Variants in PAX2 observed in about 807,000 individuals in gnomAD.
The protein encoded by PAX2 is paired box protein Pax-2.
In PAX2, 9 loss-of-function variants were observed where a neutral mutation model predicts 41.7. The observed-to-expected ratio is 0.22, with a 90% confidence interval of 0.13 to 0.38. The LOEUF (loss-of-function observed/expected upper bound fraction) is 0.38. Among genes scored for constraint, PAX2 ranks in the 10% least tolerant of loss-of-function variants. The probability of loss-of-function intolerance (pLI) is 1.00; values close to 1 mark genes in which losing one functional copy is unlikely to be tolerated. For synonymous variants in PAX2, 221 were observed against 212.7 expected (o/e 1.04, Z -0.34); for missense variants, 418 against 531.6 (o/e 0.79, Z 2.10).
chr10:100,746,085 A>C lies in PAX2; in HGVS notation c.-176A>C. The C allele has an allele frequency of 6.7e-7, 1 of 1,501,990 alleles. No homozygotes were observed. Among genetic ancestry groups the C allele is most frequent in the East Asian group, 2.3e-5 (1 of 43,284 alleles). 93.0% of individuals were successfully genotyped at this position (1,501,990 alleles called of 1,614,324 possible). A position where few individuals can be genotyped will look rare whatever the true frequency, so the allele number is the denominator to read the frequency against. On this transcript the variant is annotated 5_prime_UTR_variant, in exon 1 of 10. Coordinates refer to ENST00000355243, the MANE Select transcript of PAX2 (RefSeq NM_000278.5). ...TTGCAAGCTCCGGCCAACCCGGAGG[A>C]GCCCCAGCGGGGAGCGCAGTGCTGC...
chr10:100,793,480 A>G (rs893502677), intron 5 of PAX2, among the ~76,000 whole-genome samples: 3 of 152,180 alleles, frequency 2.0e-5, no homozygotes, highest in African/African-American at 7.2e-5. Context: ...TGGATCGCAC[A>G]CATCTAGGCT....
At chr10:100,759,049 A>G (rs1293505552) in intron 3 of PAX2, among the ~76,000 whole-genome samples, 1 of 152,156 alleles carries the variant, frequency 6.6e-6, no homozygotes, top group Admixed American at 6.5e-5. Context: ...CTTGGGCTGG[A>G]CAGGGTTGTT....
rs900397945 is a variant in PAX2 at position 100,735,485 on chromosome 10, G to C, written c.-224G>C. ...GCGGGGCGGAGAACCCGGGCTCCTC[G>C]GGGTGCCGGAGCCTCTGCGCGGCCG... On this transcript the variant is annotated 5_prime_UTR_variant, in exon 1 of 10. Coordinates refer to the PAX2 transcript ENST00000679374. The C allele has an allele frequency of 9.4e-4, 227 of 241,600 alleles. 4 individuals are homozygous for C. The highest frequency in any genetic ancestry group is 1.1e-3 in the Admixed American group (19 of 17,652). The allele number at this position is 241,600 out of a possible 1,614,324, so 15.0% of individuals were successfully genotyped here.
rs61631542 is a variant in PAX2, at chr10:100,801,800, C to T, written c.617-4630C>T. Among the ~76,000 whole-genome samples, 966 of 152,352 alleles carry T rather than the reference C, an allele frequency of 6.3e-3. 14 individuals carry two copies. The highest frequency in any genetic ancestry group is 0.022 in the African/African-American group (927 of 41,574). ...GGGCCCACTGTGTTTGGCACCCAGG[C>T]TGCAGAGTGAAATGATTTAGAGGGC... On this transcript the variant is annotated intron_variant, in intron 5 of 9. Transcript: ENST00000355243.
At position 100,750,127 on chromosome 10, in the gene PAX2, C is replaced by T. The variant is rs1845379890; in HGVS notation, c.212+213C>T. 6.6e-6 allele frequency among the ~76,000 whole-genome samples: 1 copy of T among 152,220 alleles called. No individual in the cohort carries two copies. Among genetic ancestry groups the T allele is most frequent in the Admixed American group, 6.5e-5 (1 of 15,286 alleles). On this transcript the variant is annotated intron_variant, in intron 2 of 9. Transcript: ENST00000355243. The surrounding 1 kb of genome is among the most constrained non-coding windows in gnomAD (Gnocchi z 4.1). ...GTGGCGCAGTGTCACCCAGTGCTTG[C>T]CCTGCCCCTGGTCCCTGGTGAGAAG... is the stretch of plus-strand genomic sequence containing the variant.
At position 100,827,446 on chromosome 10, in the gene PAX2, C is replaced by T; in HGVS notation, c.1109-97C>T. On this transcript the variant is annotated intron_variant, in intron 9 of 9. Transcript: ENST00000355243. The surrounding 1 kb of genome is among the most constrained non-coding windows in gnomAD (Gnocchi z 8.5). ...TCTCCCAGTCCGGATCCCGCTGGACCCCAGCCAGGGGAGGTCTTTTCTGTG... is the reference window on the plus strand; with the variant it reads ...TCTCCCAGTCCGGATCCCGCTGGACTCCAGCCAGGGGAGGTCTTTTCTGTG... 2 of 1,275,760 alleles carry T rather than the reference C, an allele frequency of 1.6e-6. No individual in the cohort carries two copies. The highest frequency in any genetic ancestry group is 2.3e-6 in the Non-Finnish European group (2 of 874,748). 79.0% of individuals were successfully genotyped at this position (1,275,760 alleles called of 1,614,324 possible).
intron 6 of PAX2, among the ~76,000 whole-genome samples, chr10:100,807,564 G>A (rs947603628): frequency 1.3e-5 from 2 of 152,102 alleles, no homozygotes; most frequent in African/African-American, 2.4e-5. Context: ...CACAGCCCAC[G>A]GTACTCACAG....
At position 100,748,572 on chromosome 10, in the gene PAX2, T is replaced by A; in HGVS notation, c.44-1174T>A. ...CCGCTAGAAGTCTCTGCGCTTGGAT[T>A]GCTCAGTACCTGCGGCTACGGGTTG... On this transcript the variant is annotated intron_variant, in intron 1 of 9. Coordinates refer to ENST00000355243, the MANE Select transcript of PAX2 (RefSeq NM_000278.5). The surrounding 1 kb of genome is among the most constrained non-coding windows in gnomAD (Gnocchi z 5.0). The A allele has an allele frequency of 1.0e-6, 1 of 985,402 alleles. No homozygotes were observed. The highest frequency in any genetic ancestry group is 1.7e-5 in the African/African-American group (1 of 57,350). 61.0% of individuals were successfully genotyped at this position (985,402 alleles called of 1,614,324 possible).
intron 5 of PAX2, among the ~76,000 whole-genome samples, chr10:100,799,529 A>G (rs1414312685): frequency 6.6e-6 from 1 of 152,190 alleles, no homozygotes; most frequent in South Asian, 2.1e-4. Context: ...GAAGGCAAAC[A>G]TGGTAGAGTG....
chr10:100,799,179 C>T (rs1185001940), intron 5 of PAX2, among the ~76,000 whole-genome samples: 1 of 152,130 alleles, frequency 6.6e-6, no homozygotes, highest in African/African-American at 2.4e-5. Context: ...GCACAGCTGG[C>T]CCCTGAGCCC....
At position 100,827,178 on chromosome 10, in the gene PAX2, C is replaced by T; in HGVS notation, c.1108+83C>T. 8.7e-7 allele frequency: 1 copy of T among 1,151,552 alleles called. No individual in the cohort carries two copies. Among genetic ancestry groups the T allele is most frequent in the Non-Finnish European group, 1.3e-6 (1 of 769,762 alleles). The allele number at this position is 1,151,552 out of a possible 1,614,324, so 71.3% of individuals were successfully genotyped here. A position where few individuals can be genotyped will look rare whatever the true frequency, so the allele number is the denominator to read the frequency against. On this transcript the variant is annotated intron_variant, in intron 9 of 9. Coordinates refer to ENST00000355243, the MANE Select transcript of PAX2 (RefSeq NM_000278.5). The surrounding 1 kb of genome is among the most constrained non-coding windows in gnomAD (Gnocchi z 8.5). ...GGTCCCACTCCCGGCGACCCGACCT[C>T]TGGGGACCCGGCCGGGCCAGGGGGA...
chr10:100,820,579 C>T (rs1848346032), intron 7 of PAX2, among the ~76,000 whole-genome samples: 1 of 152,174 alleles, frequency 6.6e-6, no homozygotes, highest in Non-Finnish European at 1.5e-5. Context: ...ATTAGACGGG[C>T]ATGGTGGCAC....
chr10:100,758,276 G>A (rs1845709038), intron 3 of PAX2, among the ~76,000 whole-genome samples: 1 of 151,968 alleles, frequency 6.6e-6, no homozygotes. Flanking sequence ...GAGTAGCTGG[G>A]ACTATAGGCG....
rs1589910966 is a variant in PAX2 at position 100,827,269 on chromosome 10, C to G, written c.1108+174C>G. 2.0e-5 allele frequency among the ~76,000 whole-genome samples: 3 copies of G among 152,266 alleles called. No individual in the cohort carries two copies. Among genetic ancestry groups the G allele is most frequent in the African/African-American group, 7.2e-5 (3 of 41,564 alleles). The stretch of plus-strand genomic sequence containing the variant: ...AGGACGCCCGCACCTCCTGCCCTCC[C>G]GTGCCCTCCCTGGTCGCTCGAAGGC... On this transcript the variant is annotated intron_variant, in intron 9 of 9. Coordinates refer to ENST00000355243, the MANE Select transcript of PAX2 (RefSeq NM_000278.5). This position sits in a 1 kb window ranked among gnomAD's most constrained non-coding sequence, Gnocchi z 8.5.
At chr10:100,814,700 G>A (rs917365748) in intron 7 of PAX2, among the ~76,000 whole-genome samples, 1 of 152,280 alleles carries the variant, frequency 6.6e-6, no homozygotes, top group African/African-American at 2.4e-5. Flanking sequence ...GGTGGGGGCA[G>A]GTGGGAAGCC....
rs80158280 is a variant in PAX2 at position 100,826,157 on chromosome 10, G to T, written c.1022-852G>T. 0.043 allele frequency among the ~76,000 whole-genome samples: 6,581 copies of T among 152,152 alleles called. 216 individuals are homozygous for T. The highest frequency in any genetic ancestry group is 0.064 in the Non-Finnish European group (4,355 of 67,970). Reference sequence around the variant, plus strand: ...TCAGAAGCTCATTATCCTGCTGCACGCATGCTTTCCCTCCTCGTCAATAAA... The same window carrying T: ...TCAGAAGCTCATTATCCTGCTGCACTCATGCTTTCCCTCCTCGTCAATAAA... On this transcript the variant is annotated intron_variant, in intron 8 of 9. Transcript: ENST00000355243. The surrounding 1 kb of genome is among the most constrained non-coding windows in gnomAD (Gnocchi z 5.5).
At position 100,826,748 on chromosome 10, in the gene PAX2, A is replaced by G. The variant is rs1281007278; in HGVS notation, c.1022-261A>G. On this transcript the variant is annotated intron_variant, in intron 8 of 9. Transcript: ENST00000355243. This position sits in a 1 kb window ranked among gnomAD's most constrained non-coding sequence, Gnocchi z 5.5. ...GTGGCCGCGAGCGCCTCCGCTGGGAAGCCCTGGGCGGGCACCGGCCCACAG... is the reference window on the plus strand; with the variant it reads ...GTGGCCGCGAGCGCCTCCGCTGGGAGGCCCTGGGCGGGCACCGGCCCACAG... Among the ~76,000 whole-genome samples, 3 of 152,132 alleles carry G rather than the reference A, an allele frequency of 2.0e-5. No individual in the cohort carries two copies. Among genetic ancestry groups the G allele is most frequent in the Non-Finnish European group, 4.4e-5 (3 of 68,006 alleles).
chr10:100,818,762 G>A (rs1428481657), intron 7 of PAX2, among the ~76,000 whole-genome samples: 1 of 152,194 alleles, frequency 6.6e-6, no homozygotes, highest in Admixed American at 6.5e-5. Flanking sequence ...GATTCACTTA[G>A]CATGATCCCA....
intron 5 of PAX2, among the ~76,000 whole-genome samples, chr10:100,797,037 G>T (rs1847363608): frequency 6.6e-6 from 1 of 152,170 alleles, no homozygotes; most frequent in African/African-American, 2.4e-5. Context: ...CTCCTTTGTT[G>T]CTTCTTTTTC....
Sources: gnomAD v4.1 joint callset for allele counts (sites outside exome capture counted in the v4.1 genomes callset) on GRCh38, gnomAD v4.1.1 for gene constraint, Gnocchi (gnomAD v3.1) non-coding constraint, MANE v1.5 for transcripts, NCBI Gene and HGNC (gene_info 2026-07-23, HGNC 2026-07-21) for gene names.